Variants in NPM1 observed in about 807,000 individuals in gnomAD.
NPM1 encodes the protein nucleophosmin.
Under a neutral mutation model 44.1 loss-of-function variants are expected in NPM1, and 1 was observed. The ratio of observed to expected loss-of-function variants is 0.02; its 90% CI spans 0.01 to 0.11. The LOEUF is 0.11. NPM1 is among the 10% of genes least tolerant of loss of function. The pLI, the probability that NPM1 is intolerant of heterozygous loss-of-function variation, is 1.00. For synonymous variants in NPM1, 126 were observed against 111.8 expected (o/e 1.13, Z -0.80); for missense variants, 197 against 347.8 (o/e 0.57, Z 3.45).
intron 8 of NPM1, among the ~76,000 whole-genome samples, chr5:171,402,130 A>G (rs1771235961): frequency 6.6e-6 from 1 of 150,464 alleles, no homozygotes; most frequent in East Asian, 2.0e-4. Context: ...TACAACACAT[A>G]TAATCTATTG....
chr5:171,409,811 GTT>G (rs75967754), intron 10 of NPM1, among the ~76,000 whole-genome samples: 1 of 135,024 alleles, frequency 7.4e-6, no homozygotes, highest in Non-Finnish European at 1.6e-5. Flanking sequence ...CTGGCCAGCT[GTT>G]TTTTTTGTTG....
intron 1 of NPM1, among the ~76,000 whole-genome samples, chr5:171,389,568 G>A (rs1377271846): frequency 1.3e-5 from 2 of 152,182 alleles, no homozygotes; most frequent in African/African-American, 2.4e-5. Context: ...TTTAAAGAGT[G>A]GAGTGTTGAT....
At position 171,410,849 on chromosome 5, in the gene NPM1, T is replaced by C; in HGVS notation, c.*284T>C. ...TGGAAATGGTGGGGAGACAAAAATA[T>C]ACATGTGAAATAAAACTCAGTATTT... is the stretch of plus-strand genomic sequence containing the variant. On this transcript the variant is annotated 3_prime_UTR_variant, in exon 11 of 11. Coordinates refer to ENST00000296930, the MANE Select transcript of NPM1 (RefSeq NM_002520.7). 3.2e-6 allele frequency: 1 copy of C among 311,820 alleles called. No homozygotes were observed. Among genetic ancestry groups the C allele is most frequent in the Non-Finnish European group, 5.9e-6 (1 of 170,630 alleles). The allele number at this position is 311,820 out of a possible 1,614,324, so 19.3% of individuals were successfully genotyped here.
At chr5:171,393,023 A>G in intron 6 of NPM1, 45 bp downstream of exon 6, 1 of 1,571,556 alleles carries the variant, frequency 6.4e-7, no homozygotes, top group South Asian at 1.2e-5. Context: ...GAATCTTGAC[A>G]AAAAAAGGAA....
chr5:171,405,328 A>G lies in NPM1; in HGVS notation c.696A>G (p.Glu232=), dbSNP rs1379489625. 1 of 1,587,266 alleles carries G rather than the reference A, an allele frequency of 6.3e-7. No homozygotes were observed. Among genetic ancestry groups the G allele is most frequent in the Non-Finnish European group, 8.6e-7 (1 of 1,160,182 alleles). Residue 232 remains glutamate, a synonymous_variant, in exon 9 of 11, where the codon GAA becomes GAG. Coordinates refer to ENST00000296930, the MANE Select transcript of NPM1 (RefSeq NM_002520.7). ...SKGQESFKKQ[E]KTPKTPKGPS... ...GACAAGAATCCTTCAAGAAACAGGA[A>G]AAAACTCCTAAAACACCAAAAGGAC...
chr5:171,389,924 T>C, intron 1 of NPM1, 127 bp from the exon 2 acceptor site: 1 of 634,922 alleles, frequency 1.6e-6, no homozygotes, highest in African/African-American at 1.9e-5. Flanking sequence ...TCATTCTGCT[T>C]TGCCCTCTGG....
intron 6 of NPM1, among the ~76,000 whole-genome samples, chr5:171,395,609 A>G (rs958862313): frequency 3.3e-5 from 5 of 152,224 alleles, no homozygotes; most frequent in African/African-American, 7.2e-5. Context: ...TAAGGTCTGC[A>G]TAGTAGTAAA....
At chr5:171,402,967 CA>C (rs1771298947) in intron 8 of NPM1, among the ~76,000 whole-genome samples, 1 of 44,976 alleles carries the variant, frequency 2.2e-5, no homozygotes. Flanking sequence ...TTTTTTTTTT[CA>C]TTTTATTTAT....
In NPM1 at chr5:171,405,183, G is replaced by A. The variant is rs73803326; in HGVS notation, c.670-119G>A. On this transcript the variant is annotated intron_variant, in intron 8 of 10. Coordinates refer to ENST00000296930, the MANE Select transcript of NPM1 (RefSeq NM_002520.7). Reference sequence around the variant, plus strand: ...GAATTTATTGATGATAATTCCAGTTGTATAATTAGCTTTATAAGGGAGTTT... The same window carrying A: ...GAATTTATTGATGATAATTCCAGTTATATAATTAGCTTTATAAGGGAGTTT... The A allele has an allele frequency of 0.15, 92,735 of 623,640 alleles. 7,612 individuals carry two copies. Among genetic ancestry groups the A allele is most frequent in the Middle Eastern group, 0.21 (475 of 2,276 alleles). The allele number at this position is 623,640 out of a possible 1,614,324, so 38.6% of individuals were successfully genotyped here. A position where few individuals can be genotyped will look rare whatever the true frequency, so the allele number is the denominator to read the frequency against.
At chr5:171,408,760 T>C (rs953324337) in intron 10 of NPM1, among the ~76,000 whole-genome samples, 20 of 152,192 alleles carry the variant, frequency 1.3e-4, no homozygotes, top group African/African-American at 4.8e-4. Context: ...AAACTCCGCG[T>C]TATGCAACTG....
At chr5:171,408,299 C>T (rs2113291475) in intron 10 of NPM1, among the ~76,000 whole-genome samples, 1 of 152,192 alleles carries the variant, frequency 6.6e-6, no homozygotes. Context: ...ATGTGAAAGT[C>T]TTAGTCAACA....
At chr5:171,400,489 C>A (rs1457962377) in intron 7 of NPM1, among the ~76,000 whole-genome samples, 1 of 144,366 alleles carries the variant, frequency 6.9e-6, no homozygotes, top group East Asian at 2.0e-4. Flanking sequence ...GACGGAGTCT[C>A]AATGTCACCC....
At chr5:171,393,980 G>A (rs116118115) in intron 6 of NPM1, among the ~76,000 whole-genome samples, 1 of 151,056 alleles carries the variant, frequency 6.6e-6, no homozygotes, top group Admixed American at 6.6e-5. Context: ...GTACTTGCAT[G>A]TCAAACTTAT....
chr5:171,392,385 C>G (rs1271234521), intron 4 of NPM1, among the ~76,000 whole-genome samples: 1 of 152,128 alleles, frequency 6.6e-6, no homozygotes, highest in African/African-American at 2.4e-5. Flanking sequence ...CCACGCCTGG[C>G]TAATTTTTTT....
chr5:171,399,689 T>TTC (rs760940435), intron 6 of NPM1, among the ~76,000 whole-genome samples: 3 of 151,938 alleles, frequency 2.0e-5, no homozygotes, highest in Non-Finnish European at 4.4e-5. Flanking sequence ...TTTAATTTTT[T>TTC]TTTTTAACAC....
chr5:171,408,054 T>C (rs1449020949), intron 10 of NPM1, among the ~76,000 whole-genome samples: 1 of 152,192 alleles, frequency 6.6e-6, no homozygotes, highest in East Asian at 1.9e-4. Context: ...TTTGGTACTA[T>C]GTTGGTTAAG....
At position 171,410,505 on chromosome 5, in the gene NPM1, ATTTCT is replaced by A. The variant is rs1561878396; in HGVS notation, c.847-18_847-14del. Reference sequence around the variant, plus strand: ...TGAAGTGTTGTGGTTCCTTAACCACATTTCTTTTTTTTTTTTTCCAGGCTATTCAA... The same window carrying A: ...TGAAGTGTTGTGGTTCCTTAACCACATTTTTTTTTTTTCCAGGCTATTCAA... On this transcript the variant is annotated splice_polypyrimidine_tract_variant and intron_variant, in intron 10 of 10. Coordinates refer to ENST00000296930, the MANE Select transcript of NPM1 (RefSeq NM_002520.7). 7 of 1,492,600 alleles carry A rather than the reference ATTTCT, an allele frequency of 4.7e-6. No homozygotes were observed. The East Asian group carries it at 6.8e-5, about 15-fold the overall frequency. 92.5% of individuals were successfully genotyped at this position (1,492,600 alleles called of 1,614,324 possible).
intron 4 of NPM1, among the ~76,000 whole-genome samples, chr5:171,392,297 T>C (rs960699394): frequency 6.6e-6 from 1 of 152,222 alleles, no homozygotes; most frequent in Non-Finnish European, 1.5e-5. Context: ...TGCAGTGATG[T>C]GATCATAGCT....
intron 6 of NPM1, among the ~76,000 whole-genome samples, chr5:171,393,889 C>A (rs1444058008): frequency 1.3e-5 from 2 of 152,124 alleles, no homozygotes; most frequent in Non-Finnish European, 2.9e-5. Context: ...TCCTAACACC[C>A]AGCCAAGATG....
Sources: allele counts gnomAD v4.1 joint callset (sites outside exome capture counted in the v4.1 genomes callset), GRCh38; gene constraint gnomAD v4.1.1; transcripts MANE v1.5; gene names NCBI Gene and HGNC (gene_info 2026-07-23, HGNC 2026-07-21).